ATOSA: variants seen among roughly 807,000 people sequenced by gnomAD.
The protein encoded by ATOSA is atos homolog protein A.
the ATOSA span, among the ~76,000 whole-genome samples, chr15:52,685,814 C>T: frequency 1.7e-4 from 26 of 152,248 alleles, no homozygotes; most frequent in African/African-American, 6.3e-4. Flanking sequence ...GGCAAATTAT[C>T]CTTCTGCCTC....
At chr15:52,609,697 G>C in the ATOSA span, 1 of 1,613,684 alleles carries the variant, frequency 6.2e-7, no homozygotes, top group Non-Finnish European at 8.5e-7. Flanking sequence ...GAAAAGTTTT[G>C]AATGGAGTGA....
chr15:52,663,286 C>T, the ATOSA span, among the ~76,000 whole-genome samples: 1 of 152,164 alleles, frequency 6.6e-6, no homozygotes, highest in Admixed American at 6.5e-5. Context: ...CAGTCCCAGA[C>T]CTAAATTAAC....
At chr15:52,701,826 T>C in the ATOSA span, among the ~76,000 whole-genome samples, 1 of 152,088 alleles carries the variant, frequency 6.6e-6, no homozygotes, top group Non-Finnish European at 1.5e-5. Flanking sequence ...ATAATGTTCC[T>C]AATACAGAAA....
At chr15:52,668,118 T>C in the ATOSA span, among the ~76,000 whole-genome samples, 1 of 152,230 alleles carries the variant, frequency 6.6e-6, no homozygotes, top group Non-Finnish European at 1.5e-5. Flanking sequence ...CTCCCATATT[T>C]ATTGCAGTAT....
At chr15:52,681,048 G>C in the ATOSA span, among the ~76,000 whole-genome samples, 1 of 152,196 alleles carries the variant, frequency 6.6e-6, no homozygotes, top group Non-Finnish European at 1.5e-5. Flanking sequence ...GAGGTAAAAA[G>C]ACCAGGAAAT....
the ATOSA span, among the ~76,000 whole-genome samples, chr15:52,696,663 A>G: frequency 6.6e-6 from 1 of 152,228 alleles, no homozygotes; most frequent in South Asian, 2.1e-4. Flanking sequence ...TTTTCATAGC[A>G]TAATTAAAGT....
the ATOSA span, among the ~76,000 whole-genome samples, chr15:52,688,366 A>G: frequency 6.6e-6 from 1 of 152,212 alleles, no homozygotes. Flanking sequence ...GCAAATGTGA[A>G]CTAAAGCAAT....
chr15:52,686,596 T>G, the ATOSA span, among the ~76,000 whole-genome samples: 5 of 152,236 alleles, frequency 3.3e-5, no homozygotes, highest in Non-Finnish European at 7.3e-5. Flanking sequence ...CAACTTGTAG[T>G]ACCTTTTTGA....
chr15:52,702,382 T>C, the ATOSA span, among the ~76,000 whole-genome samples: 1 of 152,050 alleles, frequency 6.6e-6, no homozygotes, highest in South Asian at 2.1e-4. Context: ...GTGAGCTGGA[T>C]AAAGAAAATG....
At chr15:52,700,731 T>A in the ATOSA span, among the ~76,000 whole-genome samples, 1 of 152,222 alleles carries the variant, frequency 6.6e-6, no homozygotes, top group Non-Finnish European at 1.5e-5. Flanking sequence ...GTTGCTTTCC[T>A]TTATTGGAAA....
chr15:52,635,957 C>T, the ATOSA span, among the ~76,000 whole-genome samples: 3 of 150,640 alleles, frequency 2.0e-5, no homozygotes, highest in Non-Finnish European at 4.4e-5. Flanking sequence ...CAAGATTGCA[C>T]CACTGCACCC....
chr15:52,642,092 CCT>C, the ATOSA span, among the ~76,000 whole-genome samples: 1,767 of 152,266 alleles, frequency 0.012, 31 homozygotes, highest in African/African-American at 0.04. Context: ...ATTATGAAAT[CCT>C]CTCTTTAGAA....
chr15:52,610,250 A>C, the ATOSA span: 1 of 1,614,014 alleles, frequency 6.2e-7, no homozygotes, highest in Non-Finnish European at 8.5e-7. Flanking sequence ...AAAACTGGAT[A>C]ATTAGATTGT....
the ATOSA span, chr15:52,656,572 C>T: frequency 6.6e-6 from 1 of 152,040 alleles, no homozygotes; most frequent in East Asian, 1.9e-4. Context: ...TAGATTAGTT[C>T]CAGGAGCAGT....
chr15:52,604,599 CATT>C, the ATOSA span, among the ~76,000 whole-genome samples: 1 of 152,174 alleles, frequency 6.6e-6, no homozygotes, highest in African/African-American at 2.4e-5. Context: ...CTAAGGTAGA[CATT>C]ATCATCCTGA....
chr15:52,599,396 CTG>C, the ATOSA span, among the ~76,000 whole-genome samples: 1 of 152,152 alleles, frequency 6.6e-6, no homozygotes, highest in Non-Finnish European at 1.5e-5. Flanking sequence ...TCCACTAAGA[CTG>C]TGAAAGATAG....
chr15:52,695,497 A>G, the ATOSA span, among the ~76,000 whole-genome samples: 2 of 152,220 alleles, frequency 1.3e-5, no homozygotes, highest in Non-Finnish European at 2.9e-5. Flanking sequence ...CTTTGTGATT[A>G]AGATCCTCCC....
the ATOSA span, among the ~76,000 whole-genome samples, chr15:52,703,628 G>C: frequency 1.6e-4 from 25 of 152,100 alleles, no homozygotes; most frequent in African/African-American, 5.5e-4. Flanking sequence ...ATATGCACAA[G>C]GTTATTCATT....
At chr15:52,610,649 A>T in the ATOSA span, among the ~76,000 whole-genome samples, 4 of 152,228 alleles carry the variant, frequency 2.6e-5, no homozygotes, top group African/African-American at 9.6e-5. Flanking sequence ...TAACTTAAAA[A>T]TATTTGTTAA....
Sources: allele counts gnomAD v4.1 joint callset (sites outside exome capture counted in the v4.1 genomes callset), GRCh38; gene constraint gnomAD v4.1.1; transcripts MANE v1.5; gene names NCBI Gene and HGNC (gene_info 2026-07-23, HGNC 2026-07-21).